Variants in MTR observed in about 807,000 individuals in gnomAD.
MTR encodes 5-methyltetrahydrofolate-homocysteine methyltransferase, also known as methionine synthase.
A neutral mutation model predicts 154.8 loss-of-function variants in MTR; 84 were observed. The observed-to-expected ratio is 0.54, with a 90% CI of 0.45 to 0.65. The LOEUF (loss-of-function observed/expected upper bound fraction) is 0.65. Among genes scored for constraint, MTR ranks in the 30% least tolerant of loss-of-function variants. MTR has a pLI of 0.00. For missense variants in MTR, 1,275 were observed against 1,570.2 expected (o/e 0.81, Z 3.18); for synonymous variants, 554 against 553.9 (o/e 1.00, Z 0.00).
intron 1 of MTR, among the ~76,000 whole-genome samples, chr1:236,799,588 G>T (rs773524469): frequency 1.3e-5 from 2 of 151,710 alleles, no homozygotes; most frequent in Admixed American, 6.6e-5. Flanking sequence ...TATACATTTT[G>T]TTGTAAACTC....
intron 6 of MTR, 89 bp from the exon 7 acceptor site, chr1:236,815,514 CT>C: frequency 7.7e-7 from 1 of 1,296,142 alleles, no homozygotes; most frequent in Non-Finnish European, 1.1e-6. Context: ...CTGAAGAGGT[CT>C]TAGAAAAGGG....
intron 10 of MTR, 23 bp from the exon 11 acceptor site, chr1:236,826,806 A>G (rs1322856808): frequency 6.2e-7 from 1 of 1,611,602 alleles, no homozygotes; most frequent in Non-Finnish European, 8.5e-7. Context: ...ACTTGCTGAA[A>G]CTTTGTCTCT....
At chr1:236,841,660 T>C (rs1663243090) in intron 15 of MTR, among the ~76,000 whole-genome samples, 1 of 151,884 alleles carries the variant, frequency 6.6e-6, no homozygotes, top group Non-Finnish European at 1.5e-5. Context: ...TTTTTTTTTT[T>C]TAGTCATTTG....
At chr1:236,829,606 A>AG (rs1357209962) in intron 12 of MTR, among the ~76,000 whole-genome samples, 1 of 152,184 alleles carries the variant, frequency 6.6e-6, no homozygotes, top group African/African-American at 2.4e-5. Context: ...GGTTGATACT[A>AG]GTTACTGAAA....
rs769237092 is a variant in MTR at position 236,862,390 on chromosome 1, G to A, written c.2304+47G>A. 4 of 1,505,476 alleles carry A rather than the reference G, an allele frequency of 2.7e-6. No individual in the cohort carries two copies. In the African/African-American group the frequency reaches 4.1e-5, roughly 16 times the overall value. 93.3% of individuals were successfully genotyped at this position (1,505,476 alleles called of 1,614,324 possible). ...TATGGGCCTTTAGTGGGTTGACCTG[G>A]AAGACTTGAGGTGGTGGTAGGGGCC... On this transcript the variant is annotated intron_variant, in intron 21 of 32. Coordinates refer to ENST00000366577, the MANE Select transcript of MTR (RefSeq NM_000254.3).
At chr1:236,837,071 G>A (rs751725430) in intron 14 of MTR, among the ~76,000 whole-genome samples, 12 of 152,074 alleles carry the variant, frequency 7.9e-5, no homozygotes, top group Non-Finnish European at 1.5e-4. Context: ...ACAACTTATT[G>A]GAGGCCAAAT....
Position 236,895,470 on chromosome 1 carries a change from C to G in MTR, c.3518C>G (p.Pro1173Arg). 6.3e-7 allele frequency: 1 copy of G among 1,597,140 alleles called. No individual in the cohort carries two copies. Among genetic ancestry groups the G allele is most frequent in the Non-Finnish European group, 8.5e-7 (1 of 1,171,376 alleles). ...LRRLRYKGIRPAPGYPSQPDH... is the reference protein window; with the variant it reads ...LRRLRYKGIRRAPGYPSQPDH... ...AGGCTGCGGTACAAGGGCATCCGCC[C>G]GGCTCCTGGCTACCCCAGCCAGCCC... Residue 1173 changes from proline to arginine, a missense_variant, in exon 31 of 33, where the codon CCG becomes CGG. Coordinates refer to ENST00000366577, the MANE Select transcript of MTR (RefSeq NM_000254.3).
chr1:236,805,354 G>A (rs926556910), intron 2 of MTR, among the ~76,000 whole-genome samples: 4 of 152,080 alleles, frequency 2.6e-5, no homozygotes, highest in African/African-American at 9.7e-5. Context: ...GTGGTCAGAG[G>A]TTGAGATCTC....
chr1:236,820,005 GT>G, intron 8 of MTR: 1 of 1,099,094 alleles, frequency 9.1e-7, no homozygotes, highest in Non-Finnish European at 1.4e-6. Flanking sequence ...GCTTCTTGTG[GT>G]TACTGACTCG....
chr1:236,827,989 A>G (rs575948517), intron 11 of MTR, among the ~76,000 whole-genome samples: 18 of 151,860 alleles, frequency 1.2e-4, no homozygotes, highest in Admixed American at 3.9e-4. Flanking sequence ...ATATATATAT[A>G]TTTTTTGGGA....
chr1:236,837,272 T>A lies in MTR; in HGVS notation c.1330-1142T>A, dbSNP rs534827772. ...AAAAAGCAAAACTGGTAGCGTGCCTTTTCTTTTTTGCTCGTTTGGTGGCGT... is the reference window on the plus strand; with the variant it reads ...AAAAAGCAAAACTGGTAGCGTGCCTATTCTTTTTTGCTCGTTTGGTGGCGT... On this transcript the variant is annotated intron_variant, in intron 14 of 32. Coordinates refer to ENST00000366577, the MANE Select transcript of MTR (RefSeq NM_000254.3). Among the ~76,000 whole-genome samples the A allele has an allele frequency of 9.2e-5, 14 of 152,214 alleles. No individual in the cohort carries two copies. In the East Asian group the frequency reaches 2.7e-3, roughly 30 times the overall value.
At chr1:236,883,917 C>T (rs1344399965) in intron 25 of MTR, among the ~76,000 whole-genome samples, 4 of 152,136 alleles carry the variant, frequency 2.6e-5, no homozygotes, top group Admixed American at 6.6e-5. Context: ...ATTAGATAAT[C>T]CTGCTGGAGA....
intron 18 of MTR, among the ~76,000 whole-genome samples, chr1:236,857,536 C>T (rs562938946): frequency 2.6e-5 from 4 of 152,340 alleles, no homozygotes; most frequent in African/African-American, 4.8e-5. Context: ...TTGGCCTCTA[C>T]CACCCTGGAC....
chr1:236,853,112 G>A, intron 18 of MTR, 24 bp downstream of exon 18: 1 of 1,613,300 alleles, frequency 6.2e-7, no homozygotes, highest in Non-Finnish European at 8.5e-7. Flanking sequence ...TGTTCTAATA[G>A]ATGGATTTTT....
chr1:236,795,816 C>G, intron 1 of MTR, 79 bp downstream of exon 1: 1 of 1,606,230 alleles, frequency 6.2e-7, no homozygotes, highest in South Asian at 1.1e-5. Context: ...TGGGGCGATT[C>G]CCTTCTGCGG....
intron 16 of MTR, among the ~76,000 whole-genome samples, chr1:236,851,723 G>A (rs1663915000): frequency 6.6e-6 from 1 of 152,122 alleles, no homozygotes; most frequent in African/African-American, 2.4e-5. Context: ...GTTTGGTTTT[G>A]CCTGCTTTTG....
intron 3 of MTR, 77 bp from the exon 4 acceptor site, chr1:236,808,627 A>G: frequency 7.2e-7 from 1 of 1,382,816 alleles, no homozygotes; most frequent in Non-Finnish European, 1.0e-6. Flanking sequence ...AAAACTGAGT[A>G]TTAGATGGTC....
At chr1:236,833,523 A>G (rs1662734632) in intron 13 of MTR, among the ~76,000 whole-genome samples, 1 of 152,318 alleles carries the variant, frequency 6.6e-6, no homozygotes, top group Non-Finnish European at 1.5e-5. Context: ...CAGCAAGTAA[A>G]TGATAGAACC....
intron 22 of MTR, among the ~76,000 whole-genome samples, chr1:236,873,528 T>C (rs1665256668): frequency 6.6e-6 from 1 of 152,208 alleles, no homozygotes; most frequent in South Asian, 2.1e-4. Flanking sequence ...GGGTGAATTG[T>C]ATGGTATGTG....
Sources: allele counts gnomAD v4.1 joint callset (sites outside exome capture counted in the v4.1 genomes callset), GRCh38; gene constraint gnomAD v4.1.1; transcripts MANE v1.5; gene names NCBI Gene and HGNC (gene_info 2026-07-23, HGNC 2026-07-21).